ACSS2: variants seen among roughly 807,000 people sequenced by gnomAD.
The protein encoded by ACSS2 is acetyl-coenzyme A synthetase, cytoplasmic.
In ACSS2, 58 loss-of-function variants were observed where a neutral mutation model predicts 90.6. That is an observed-to-expected ratio of 0.64 (90% CI 0.52 to 0.80). The LOEUF (loss-of-function observed/expected upper bound fraction) is 0.80. ACSS2 is among the 30% of genes least tolerant of loss of function. The pLI is 0.00. For synonymous variants in ACSS2, 300 were observed against 330.9 expected (o/e 0.91, Z 1.01); for missense variants, 759 against 912.0 (o/e 0.83, Z 2.16).
chr20:34,913,377 G>C lies in ACSS2; in HGVS notation c.467-16G>C. On this transcript the variant is annotated splice_polypyrimidine_tract_variant and intron_variant, in intron 3 of 17. Coordinates refer to ENST00000360596, the MANE Select transcript of ACSS2 (RefSeq NM_018677.4). ...AAGAAGGGTTCATGGTTCATATTCT[G>C]TGCTTTTACCTGCAGGCATTCAGAA... 2 of 1,612,718 alleles carry C rather than the reference G, an allele frequency of 1.2e-6. No individual in the cohort carries two copies. The highest frequency in any genetic ancestry group is 1.7e-5 in the Admixed American group (1 of 59,964).
intron 14 of ACSS2, 34 bp from the exon 15 acceptor site, chr20:34,925,664 G>T (rs1366766827): frequency 4.4e-6 from 7 of 1,600,822 alleles, no homozygotes; most frequent in Non-Finnish European, 6.0e-6. Context: ...CTACCGTAGG[G>T]TTTTTATTTA....
chr20:34,903,339 CAAAA>C (rs11476381), intron 2 of ACSS2, among the ~76,000 whole-genome samples: 4 of 115,064 alleles, frequency 3.5e-5, no homozygotes, highest in Non-Finnish European at 3.6e-5. Context: ...GAGACTCTCT[CAAAA>C]AAAAAAAAAA....
Position 34,913,469 on chromosome 20 carries a change from C to G in ACSS2, c.543C>G (p.Ala181=). The G allele has an allele frequency of 6.2e-7, 1 of 1,613,900 alleles. No individual in the cohort carries two copies. The highest frequency in any genetic ancestry group is 1.1e-5 in the South Asian group (1 of 91,046). ...PELVVAMLAC[A]RIGALHSIVF... ...TTGTGGTGGCCATGCTGGCATGTGC[C>G]CGCATTGGGGCTTTGCACTCCATTG... Residue 181 remains alanine (A), a synonymous_variant, in exon 4 of 18, where the codon GCC becomes GCG. Coordinates refer to ENST00000360596, the MANE Select transcript of ACSS2 (RefSeq NM_018677.4).
At position 34,923,416 on chromosome 20, in the gene ACSS2, T is replaced by C. The variant is rs1376866457; in HGVS notation, c.1642T>C (p.Tyr548His). 2 of 1,613,720 alleles carry C rather than the reference T, an allele frequency of 1.2e-6. No individual in the cohort carries two copies. Among genetic ancestry groups the C allele is most frequent in the African/African-American group, 1.3e-5 (1 of 74,938 alleles). Residue 548 changes from tyrosine (Y) to histidine (H), a missense_variant, in exon 14 of 18, where the codon TAT becomes CAT. Coordinates refer to ENST00000360596, the MANE Select transcript of ACSS2 (RefSeq NM_018677.4). Reference protein sequence around the residue: ...TTYFKKFPGYYVTGDGCQRDQ... With the variant: ...TTYFKKFPGYHVTGDGCQRDQ... The stretch of plus-strand genomic sequence containing the variant: ...CTACTTTAAGAAGTTTCCTGGATAC[T>C]ATGTTACAGGAGATGGTGAGCCTTA...
chr20:34,883,999 G>A (rs893906850), intron 2 of ACSS2, among the ~76,000 whole-genome samples: 2 of 152,084 alleles, frequency 1.3e-5, no homozygotes, highest in African/African-American at 4.8e-5. Context: ...GGAGAGCAGC[G>A]GCATGATCTT....
chr20:34,917,532 A>T (rs528239165), intron 7 of ACSS2, among the ~76,000 whole-genome samples: 18 of 152,330 alleles, frequency 1.2e-4, no homozygotes, highest in Admixed American at 2.0e-4. Flanking sequence ...CTAACACTCC[A>T]GAAGTTTTTT....
intron 2 of ACSS2, among the ~76,000 whole-genome samples, chr20:34,883,271 T>A (rs568575338): frequency 1.3e-5 from 2 of 152,304 alleles, no homozygotes; most frequent in South Asian, 4.1e-4. Flanking sequence ...GTAGCTTTCT[T>A]CCTCATTCTT....
In ACSS2 at chr20:34,927,107, C is replaced by G; in HGVS notation, c.1999C>G (p.Leu667Val). ...CCCAGGGAAAATCATGAGGCGAGTG[C>G]TTCGGAAGATTGCTCAGAATGACCA... ...TRSGKIMRRV[L>V]RKIAQNDHDL... is the part of the protein sequence containing the mutation. Residue 667 changes from leucine (L) to valine (V), a missense_variant, in exon 18 of 18, where the codon CTT (leucine) becomes GTT (valine). Leu to Val is a conservative substitution (Grantham distance 32, BLOSUM62 1). Transcript: ENST00000360596. This position sits in a 1 kb window ranked among gnomAD's most constrained non-coding sequence, Gnocchi z 4.2. 6.2e-7 allele frequency: 1 copy of G among 1,614,106 alleles called. No homozygotes were observed. The highest frequency in any genetic ancestry group is 8.5e-7 in the Non-Finnish European group (1 of 1,180,012).
At chr20:34,926,411 C>T (rs1183451377) in intron 16 of ACSS2, 130 bp downstream of exon 16, 4 of 821,406 alleles carry the variant, frequency 4.9e-6, no homozygotes, top group Non-Finnish European at 7.6e-6. Context: ...GCCCCATGGG[C>T]TGATTGCCCT....
chr20:34,876,543 C>T (rs1261615472), upstream of ACSS2: 8 of 1,266,784 alleles, frequency 6.3e-6, no homozygotes, highest in Non-Finnish European at 5.0e-6. Flanking sequence ...ACTCACCAGG[C>T]CCCGCCCCTC....
At chr20:34,913,309 G>T (rs1291077286) in intron 3 of ACSS2, 84 bp from the exon 4 acceptor site, 33 of 1,549,728 alleles carry the variant, frequency 2.1e-5, no homozygotes, top group Non-Finnish European at 2.8e-5. Context: ...GAACAGGTCA[G>T]CTGGGAGGGA....
intron 2 of ACSS2, among the ~76,000 whole-genome samples, chr20:34,901,186 A>G (rs2080648815): frequency 6.6e-6 from 1 of 152,308 alleles, no homozygotes; most frequent in African/African-American, 2.4e-5. Flanking sequence ...TTTCTGTGCC[A>G]TAGGTTTCTC....
At chr20:34,898,827 T>C (rs1203586669) in intron 2 of ACSS2, among the ~76,000 whole-genome samples, 1 of 142,576 alleles carries the variant, frequency 7.0e-6, no homozygotes, top group African/African-American at 2.7e-5. Context: ...GGGTGGCCGA[T>C]GGGACTGGGT....
intron 14 of ACSS2, 47 bp downstream of exon 14, chr20:34,923,478 C>A (rs575019181): frequency 1.4e-5 from 18 of 1,316,802 alleles, no homozygotes; most frequent in Non-Finnish European, 2.0e-5. Context: ...AAGACATGTA[C>A]CTTCCACTTC....
At position 34,927,321 on chromosome 20, in the gene ACSS2, T is replaced by C. The variant is rs1432412447; in HGVS notation, c.*107T>C. 1.2e-5 allele frequency: 18 copies of C among 1,451,038 alleles called. No individual in the cohort carries two copies. The highest frequency in any genetic ancestry group is 1.7e-5 in the Non-Finnish European group (18 of 1,057,976). 89.9% of individuals were successfully genotyped at this position (1,451,038 alleles called of 1,614,324 possible). On this transcript the variant is annotated 3_prime_UTR_variant, in exon 18 of 18. Transcript: ENST00000360596. This position sits in a 1 kb window ranked among gnomAD's most constrained non-coding sequence, Gnocchi z 4.2. ...CAGTGTTGACCCACACTACCCTCCC[T>C]TGACCAGCTGTCTGGGACCGGAAAC...
chr20:34,910,968 G>T lies in ACSS2; in HGVS notation c.375-2128G>T, dbSNP rs558045203. 2.6e-5 allele frequency among the ~76,000 whole-genome samples: 4 copies of T among 151,998 alleles called. No individual in the cohort carries two copies. The South Asian group carries it at 8.3e-4, about 32-fold the overall frequency. The stretch of plus-strand genomic sequence containing the variant: ...CTCCTGAGTAGCTGAGACTACAGGT[G>T]TGCACCACCATGCTCAGCTAATTGA... On this transcript the variant is annotated intron_variant, in intron 2 of 17. Coordinates refer to ENST00000360596, the MANE Select transcript of ACSS2 (RefSeq NM_018677.4).
intron 14 of ACSS2, 40 bp from the exon 15 acceptor site, chr20:34,925,658 C>T (rs1180683282): frequency 1.3e-5 from 20 of 1,587,870 alleles, no homozygotes; most frequent in East Asian, 1.1e-4. Context: ...GGTATCCTAC[C>T]GTAGGGTTTT....
chr20:34,915,303 T>A (rs1460493529), intron 7 of ACSS2: 2 of 1,611,416 alleles, frequency 1.2e-6, no homozygotes, highest in Non-Finnish European at 1.7e-6. Context: ...TGTTTGCTTG[T>A]CTGTGTGCTC....
intron 2 of ACSS2, among the ~76,000 whole-genome samples, chr20:34,911,525 A>G (rs2080958619): frequency 6.6e-6 from 1 of 151,342 alleles, no homozygotes; most frequent in Non-Finnish European, 1.5e-5. Flanking sequence ...CGGTCTTGCT[A>G]TGTTGCCAGG....
Sources: gnomAD v4.1 joint callset for allele counts (sites outside exome capture counted in the v4.1 genomes callset) on GRCh38, gnomAD v4.1.1 for gene constraint, Gnocchi (gnomAD v3.1) non-coding constraint, MANE v1.5 for transcripts, NCBI Gene and HGNC (gene_info 2026-07-23, HGNC 2026-07-21) for gene names.